The following FOXP2 variants were observed in gnomAD, a reference collection of about 807,000 sequenced individuals.
The protein encoded by FOXP2 is forkhead box P2, also known as forkhead box protein P2.
In FOXP2, 12 loss-of-function variants were observed where a neutral mutation model predicts 115.8. The ratio of observed to expected loss-of-function variants is 0.10; its 90% CI spans 0.07 to 0.17. The LOEUF (loss-of-function observed/expected upper bound fraction) is 0.17. FOXP2 is among the 10% of genes least tolerant of loss of function. FOXP2 has a pLI of 1.00. For missense variants in FOXP2, 629 were observed against 843.5 expected (o/e 0.75, Z 3.15); for synonymous variants, 328 against 297.7 (o/e 1.10, Z -1.05).
Position 114,258,187 on chromosome 7 carries a change from G to A in FOXP2, c.-101-29832G>A, listed in dbSNP as rs539630861. ...ACACATTAGCAATGATGGTGGCTTG[G>A]ATCTAGTTGGTAGTGGTGCAGGTAA... On this transcript the variant is annotated intron_variant, in intron 1 of 17. Coordinates refer to the FOXP2 transcript ENST00000634411. Among the ~76,000 whole-genome samples, 16 of 152,266 alleles carry A rather than the reference G, an allele frequency of 1.1e-4. No individual in the cohort carries two copies. The South Asian group carries it at 3.3e-3, about 32-fold the overall frequency.
intron 3 of FOXP2, among the ~76,000 whole-genome samples, chr7:114,606,138 A>G (rs1803308736): frequency 6.6e-6 from 1 of 152,228 alleles, no homozygotes; most frequent in Admixed American, 6.5e-5. Flanking sequence ...AAGAAAGAAT[A>G]AAAATTACCT....
intron 2 of FOXP2, among the ~76,000 whole-genome samples, chr7:114,379,703 AG>A (rs946567116): frequency 6.6e-6 from 1 of 152,174 alleles, no homozygotes; most frequent in Non-Finnish European, 1.5e-5. Flanking sequence ...TTAAAGATAC[AG>A]GGATTGAAAT....
At chr7:114,212,820 C>T (rs998361457) in intron 1 of FOXP2, among the ~76,000 whole-genome samples, 2 of 152,026 alleles carry the variant, frequency 1.3e-5, no homozygotes, top group East Asian at 1.9e-4. Flanking sequence ...TGAATATTGC[C>T]GGGAGACTGG....
chr7:114,328,877 C>G (rs1345440124), intron 2 of FOXP2, among the ~76,000 whole-genome samples: 1 of 152,144 alleles, frequency 6.6e-6, no homozygotes, highest in Non-Finnish European at 1.5e-5. Context: ...AATGCACATA[C>G]TAACCATGAT....
At chr7:114,233,007 T>C (rs975411346) in intron 1 of FOXP2, among the ~76,000 whole-genome samples, 1 of 152,126 alleles carries the variant, frequency 6.6e-6, no homozygotes, top group Non-Finnish European at 1.5e-5. Flanking sequence ...GTGCAGGAGC[T>C]ATGAGGAGGA....
intron 3 of FOXP2, among the ~76,000 whole-genome samples, chr7:114,556,083 A>G (rs1800439959): frequency 1.3e-5 from 2 of 152,150 alleles, no homozygotes; most frequent in African/African-American, 2.4e-5. Context: ...ATGGACTACT[A>G]CTACTGGAGT....
intron 1 of FOXP2, among the ~76,000 whole-genome samples, chr7:114,425,419 A>G (rs1037081253): frequency 5.3e-5 from 8 of 151,554 alleles, no homozygotes; most frequent in African/African-American, 1.7e-4. Flanking sequence ...TTGAGAGCCA[A>G]AAATGATCTT....
At chr7:114,350,162 G>A (rs1043251530) in intron 2 of FOXP2, among the ~76,000 whole-genome samples, 3 of 152,034 alleles carry the variant, frequency 2.0e-5, no homozygotes, top group Admixed American at 6.6e-5. Flanking sequence ...TAAGTTCTGC[G>A]ATATTTGTGC....
At chr7:114,478,225 G>T (rs529981432) in intron 2 of FOXP2, among the ~76,000 whole-genome samples, 1 of 151,984 alleles carries the variant, frequency 6.6e-6, no homozygotes, top group East Asian at 1.9e-4. Flanking sequence ...ACATGAGTAT[G>T]TTGAATGGGA....
At chr7:114,216,653 A>G (rs1563009276) in intron 1 of FOXP2, among the ~76,000 whole-genome samples, 1 of 152,118 alleles carries the variant, frequency 6.6e-6, no homozygotes, top group Non-Finnish European at 1.5e-5. Flanking sequence ...TCTTAAGTGT[A>G]CGTCTCTGAT....
chr7:114,375,487 G>C (rs559535814), intron 2 of FOXP2, among the ~76,000 whole-genome samples: 1 of 152,250 alleles, frequency 6.6e-6, no homozygotes, highest in Non-Finnish European at 1.5e-5. Context: ...TTTTATAAAA[G>C]TCCAGCTGGT....
chr7:114,501,527 A>G (rs970899177), intron 2 of FOXP2, among the ~76,000 whole-genome samples: 29 of 152,096 alleles, frequency 1.9e-4, no homozygotes, highest in Non-Finnish European at 8.8e-5. Context: ...TCAGCTTACT[A>G]AAAGGTCATG....
intron 3 of FOXP2, among the ~76,000 whole-genome samples, chr7:114,536,996 G>C (rs2129278894): frequency 6.6e-6 from 1 of 151,606 alleles, no homozygotes; most frequent in South Asian, 2.1e-4. Flanking sequence ...TTTGATACTA[G>C]CTTACACATC....
intron 1 of FOXP2, among the ~76,000 whole-genome samples, chr7:114,200,926 G>C (rs567424541): frequency 1.3e-5 from 2 of 151,962 alleles, no homozygotes; most frequent in Non-Finnish European, 2.9e-5. Context: ...AGGCTGAGGC[G>C]GGTGGATCAC....
chr7:114,257,705 G>A (rs893044455), intron 1 of FOXP2, among the ~76,000 whole-genome samples: 1 of 151,916 alleles, frequency 6.6e-6, no homozygotes, highest in African/African-American at 2.4e-5. Flanking sequence ...CACCAGCTTC[G>A]GCCTCCCAAA....
At chr7:114,390,512 T>TTTTATTTATTTA (rs1191388413) in intron 2 of FOXP2, among the ~76,000 whole-genome samples, 252 of 40,310 alleles carry the variant, frequency 6.3e-3, no homozygotes, top group African/African-American at 0.015. Context: ...CATACTTTTG[T>TTTTATTTATTTA]TTTATTTATG....
intron 16 of FOXP2, among the ~76,000 whole-genome samples, chr7:114,675,707 A>AT (rs900674800): frequency 3.3e-5 from 5 of 152,080 alleles, no homozygotes; most frequent in Admixed American, 6.6e-5. Flanking sequence ...TTTTTACAGC[A>AT]TTTTTTTAAT....
chr7:114,526,144 T>C (rs1007774013), intron 2 of FOXP2, among the ~76,000 whole-genome samples: 1 of 134,006 alleles, frequency 7.5e-6, no homozygotes, highest in African/African-American at 2.9e-5. Context: ...AAAAAATATT[T>C]ATTAAGCTCA....
chr7:114,576,736 A>G (rs1047591063), intron 3 of FOXP2, among the ~76,000 whole-genome samples: 1 of 151,990 alleles, frequency 6.6e-6, no homozygotes, highest in Non-Finnish European at 1.5e-5. Context: ...CTCTACAAAT[A>G]TGACATATAA....
Sources: gnomAD v4.1 joint callset for allele counts (sites outside exome capture counted in the v4.1 genomes callset) on GRCh38, gnomAD v4.1.1 for gene constraint, MANE v1.5 for transcripts, NCBI Gene and HGNC (gene_info 2026-07-23, HGNC 2026-07-21) for gene names.